Variants in GLB1 observed in about 807,000 individuals in gnomAD.
GLB1 encodes the protein galactosidase beta 1, also known as beta-galactosidase.
Under a neutral mutation model 74.0 loss-of-function variants are expected in GLB1, and 56 were observed. That is an observed-to-expected ratio of 0.76 (90% CI 0.61 to 0.94). The LOEUF (loss-of-function observed/expected upper bound fraction) is 0.94. Among genes scored for constraint, GLB1 ranks in the 40% least tolerant of loss-of-function variants. The probability of loss-of-function intolerance (pLI) is 0.00; values close to 1 mark genes in which losing one functional copy is unlikely to be tolerated. For missense variants in GLB1, 787 were observed against 845.5 expected (o/e 0.93, Z 0.86); for synonymous variants, 323 against 323.6 (o/e 1.00, Z 0.02).
intron 10 of GLB1, among the ~76,000 whole-genome samples, chr3:33,028,325 G>GA (rs1697859462): frequency 6.6e-6 from 1 of 152,106 alleles, no homozygotes; most frequent in African/African-American, 2.4e-5. Context: ...AGAAGATAAA[G>GA]AAAGTTTATC....
At position 32,997,364 on chromosome 3, in the gene GLB1, G is replaced by A; in HGVS notation, c.1735-20C>T. On this transcript the variant is annotated intron_variant, in intron 15 of 15. Coordinates refer to ENST00000307363, the MANE Select transcript of GLB1 (RefSeq NM_000404.4). ...CTGGCCCTGGAGAGAGAGAGACAGA[G>A]AACCATCAACCCCAGATGCACCGAA... 1 of 1,611,952 alleles carries A rather than the reference G, an allele frequency of 6.2e-7. No homozygotes were observed. The highest frequency in any genetic ancestry group is 8.5e-7 in the Non-Finnish European group (1 of 1,179,792).
intron 1 of GLB1, among the ~76,000 whole-genome samples, chr3:33,089,205 C>T (rs1350108849): frequency 6.6e-6 from 1 of 152,102 alleles, no homozygotes; most frequent in Non-Finnish European, 1.5e-5. Flanking sequence ...GGGAAAAAAG[C>T]TACGTGATAT....
intron 11 of GLB1, among the ~76,000 whole-genome samples, chr3:33,023,354 G>T (rs1697583963): frequency 1.3e-5 from 2 of 152,162 alleles, no homozygotes; most frequent in Admixed American, 1.3e-4. Context: ...ATCCTTATCA[G>T]ACAGAAAGAC....
intron 5 of GLB1, 57 bp from the exon 6 acceptor site, chr3:33,058,326 T>C: frequency 6.2e-7 from 1 of 1,605,990 alleles, no homozygotes; most frequent in Middle Eastern, 1.7e-4. Context: ...GCCACCCTAA[T>C]GCAAGCTTTT....
At chr3:32,978,926 A>ATTCT in the GLB1 span, among the ~76,000 whole-genome samples, 7 of 120,660 alleles carry the variant, frequency 5.8e-5, no homozygotes, top group Admixed American at 6.0e-4. Flanking sequence ...CACCCGGCTA[A>ATTCT]TTTTTTTTTT....
intron 10 of GLB1, among the ~76,000 whole-genome samples, chr3:33,027,244 C>T (rs1281833003): frequency 6.6e-6 from 1 of 152,242 alleles, no homozygotes; most frequent in African/African-American, 2.4e-5. Flanking sequence ...AGAGGGCTGG[C>T]GCCTGTGCGG....
intron 1 of GLB1, chr3:33,090,334 G>T: frequency 2.2e-6 from 2 of 929,770 alleles, no homozygotes; most frequent in African/African-American, 1.8e-5. Flanking sequence ...GTCTCGTCAT[G>T]CTTGTTAAAG....
rs984982109 is a variant in GLB1 at position 33,096,911 on chromosome 3, C to T, written c.75+100G>A. The T allele has an allele frequency of 3.9e-6, 6 of 1,527,530 alleles. No individual in the cohort carries two copies. The African/African-American group carries it at 5.7e-5, about 14-fold the overall frequency. 94.6% of individuals were successfully genotyped at this position (1,527,530 alleles called of 1,614,324 possible). A position where few individuals can be genotyped will look rare whatever the true frequency, so the allele number is the denominator to read the frequency against. On this transcript the variant is annotated intron_variant, in intron 1 of 15. Coordinates refer to ENST00000307363, the MANE Select transcript of GLB1 (RefSeq NM_000404.4). The stretch of plus-strand genomic sequence containing the variant: ...TGGGGGGCACTTCGGGGCTCAGGCT[C>T]CCCGCCCTGCGGGACCGCGGGTGGC...
chr3:33,001,343 G>A (rs1020911135), intron 15 of GLB1, among the ~76,000 whole-genome samples: 6 of 151,912 alleles, frequency 3.9e-5, no homozygotes, highest in African/African-American at 1.2e-4. Context: ...TCAGCTTCCC[G>A]AGAAGCTGGA....
chr3:33,093,680 C>A lies in GLB1; in HGVS notation c.75+3331G>T, dbSNP rs749904333. Reference sequence around the variant, plus strand: ...TCCCGGCCACGCTGAGCACAGCAGTCACTCCCACTGCCAGGGCAGGCCTGA... The same window carrying A: ...TCCCGGCCACGCTGAGCACAGCAGTAACTCCCACTGCCAGGGCAGGCCTGA... On this transcript the variant is annotated intron_variant, in intron 1 of 15. Coordinates refer to ENST00000307363, the MANE Select transcript of GLB1 (RefSeq NM_000404.4). This position sits in a 1 kb window ranked among gnomAD's most constrained non-coding sequence, Gnocchi z 6.0. 13 of 1,614,210 alleles carry A rather than the reference C, an allele frequency of 8.1e-6. No individual in the cohort carries two copies. Among genetic ancestry groups the A allele is most frequent in the Non-Finnish European group, 1.1e-5 (13 of 1,180,040 alleles).
At chr3:32,984,631 T>C in the GLB1 span, among the ~76,000 whole-genome samples, 1 of 151,472 alleles carries the variant, frequency 6.6e-6, no homozygotes, top group Non-Finnish European at 1.5e-5. Context: ...TTTAAAAAAT[T>C]AGCTTGGTGT....
chr3:33,003,875 C>A lies in GLB1; in HGVS notation c.1735-6531G>T, dbSNP rs111940282. Among the ~76,000 whole-genome samples, 737 of 152,182 alleles carry A rather than the reference C, an allele frequency of 4.8e-3. 11 individuals are homozygous for A. The highest frequency in any genetic ancestry group is 0.017 in the African/African-American group (714 of 41,522). On this transcript the variant is annotated intron_variant, in intron 15 of 15. Coordinates refer to ENST00000307363, the MANE Select transcript of GLB1 (RefSeq NM_000404.4). The stretch of plus-strand genomic sequence containing the variant: ...TGAAACCCCATCTCTACTAAAAATA[C>A]AAAAATCAGCCAGGTATGGTGGTGT...
chr3:33,046,462 C>A (rs1698744118), intron 9 of GLB1, among the ~76,000 whole-genome samples: 1 of 152,070 alleles, frequency 6.6e-6, no homozygotes, highest in Non-Finnish European at 1.5e-5. Flanking sequence ...CTCTTTCCAT[C>A]CACTCTCTAC....
At chr3:33,042,328 G>A (rs980710545) in intron 10 of GLB1, among the ~76,000 whole-genome samples, 1 of 147,094 alleles carries the variant, frequency 6.8e-6, no homozygotes, top group African/African-American at 2.5e-5. Context: ...AATGCTCCAT[G>A]TGATCTGTTC....
the GLB1 span, among the ~76,000 whole-genome samples, chr3:32,980,092 T>A: frequency 0.11 from 16,394 of 152,236 alleles, 1,128 homozygotes; most frequent in African/African-American, 0.2. Context: ...TCTTCTAGCT[T>A]TTTTGAAATA....
chr3:33,051,759 A>T lies in GLB1; in HGVS notation c.954T>A (p.Asn318Lys), dbSNP rs1393027338. The change falls in exon 9 of 16, where the codon AAT becomes AAA. Residue 318 changes from asparagine (N) to lysine (K), a missense_variant and splice_region_variant. By Grantham distance (94) the Asn-to-Lys change is moderately conservative. Transcript: ENST00000307363. Reference sequence around the variant, plus strand: ...CTACAGATATTAAAGTGCTCTTACCATTCCAATAGGCAAAATTGGTCCCAC... The same window carrying T: ...CTACAGATATTAAAGTGCTCTTACCTTTCCAATAGGCAAAATTGGTCCCAC... ...FIGGTNFAYWNGANSPYAAQP... is the reference protein window; with the variant it reads ...FIGGTNFAYWKGANSPYAAQP... 1 of 1,614,236 alleles carries T rather than the reference A, an allele frequency of 6.2e-7. No homozygotes were observed. The highest frequency in any genetic ancestry group is 8.5e-7 in the Non-Finnish European group (1 of 1,180,046).
chr3:33,095,027 AT>A (rs1383490151), intron 1 of GLB1, among the ~76,000 whole-genome samples: 1 of 152,150 alleles, frequency 6.6e-6, no homozygotes, highest in African/African-American at 2.4e-5. Context: ...CCTGGCCAAC[AT>A]GGTAAAACCC....
chr3:33,008,589 G>T (rs1696880229), intron 15 of GLB1, among the ~76,000 whole-genome samples: 1 of 152,200 alleles, frequency 6.6e-6, no homozygotes, highest in Non-Finnish European at 1.5e-5. Flanking sequence ...GCCAGTGGGG[G>T]AAAGGAGCAG....
At chr3:33,090,365 C>A (rs530550629) in intron 1 of GLB1, 1 of 982,094 alleles carries the variant, frequency 1.0e-6, no homozygotes, top group African/African-American at 1.7e-5. Flanking sequence ...GGTACATGTA[C>A]GAAAAGTTTA....
Sources: gnomAD v4.1 joint callset for allele counts (sites outside exome capture counted in the v4.1 genomes callset) on GRCh38, gnomAD v4.1.1 for gene constraint, Gnocchi (gnomAD v3.1) non-coding constraint, MANE v1.5 for transcripts, NCBI Gene and HGNC (gene_info 2026-07-23, HGNC 2026-07-21) for gene names.